Variants in PDLIM2 observed in about 807,000 individuals in gnomAD.
PDLIM2 encodes PDZ and LIM domain 2.
Under a neutral mutation model 54.1 loss-of-function variants are expected in PDLIM2, and 51 were observed. The observed-to-expected ratio is 0.94, with a 90% CI of 0.75 to 1.19. The LOEUF is 1.19. PDLIM2 is among the 50% of genes most tolerant of loss of function. The pLI is 0.00. For missense variants in PDLIM2, 912 were observed against 874.0 expected (o/e 1.04, Z -0.55); for synonymous variants, 398 against 385.6 (o/e 1.03, Z -0.38).
intron 3 of PDLIM2, among the ~76,000 whole-genome samples, 172 bp from the exon 3 acceptor site, chr8:22,584,649 T>C (rs1800319101): frequency 2.0e-5 from 3 of 152,218 alleles, no homozygotes; most frequent in Non-Finnish European, 4.4e-5. Context: ...TTGTCATTGA[T>C]GATAGTTGTT....
chr8:22,580,506 C>T, intron 1 of PDLIM2: 3 of 1,596,430 alleles, frequency 1.9e-6, no homozygotes, highest in Non-Finnish European at 2.6e-6. Context: ...GCTGTGGTGC[C>T]CTCTCCTTCT....
chr8:22,581,114 G>C (rs954653663), intron 2 of PDLIM2: 1 of 679,520 alleles, frequency 1.5e-6, no homozygotes, highest in Admixed American at 2.1e-5. Context: ...CTATCCAAAA[G>C]TATTTCCAAG....
chr8:22,593,927 G>T, exon 10 of PDLIM2: 2 of 1,546,418 alleles, frequency 1.3e-6, no homozygotes. Context: ...CATGCCCTCA[G>T]CCTGCCTCAC....
chr8:22,581,907 C>G (rs1306743082), intron 3 of PDLIM2, among the ~76,000 whole-genome samples: 1 of 152,234 alleles, frequency 6.6e-6, no homozygotes, highest in Non-Finnish European at 1.5e-5. Flanking sequence ...AGGCTGCATC[C>G]CCAGGACTCC....
chr8:22,589,405 G>T lies in PDLIM2; in HGVS notation c.1367+31G>T, dbSNP rs535020129. ...AGCAGGCCCCGGAGGGTCGGGTTGGGGTCTTGGAAGGCTGGGAGGGGCAGG... is the reference window on the plus strand; with the variant it reads ...AGCAGGCCCCGGAGGGTCGGGTTGGTGTCTTGGAAGGCTGGGAGGGGCAGG... On this transcript the variant is annotated intron_variant, in intron 7 of 9. Transcript: ENST00000308354. 7.2e-5 allele frequency: 111 copies of T among 1,535,646 alleles called. No individual in the cohort carries two copies. In the African/African-American group the frequency reaches 1.5e-3, roughly 20 times the overall value.
chr8:22,593,575 C>T, intron 9 of PDLIM2, 158 bp from the exon 9 acceptor site: 1 of 549,720 alleles, frequency 1.8e-6, no homozygotes. Context: ...AAAACTCCAT[C>T]TCAAAAAAAA....
chr8:22,581,528 C>G (rs1479283503), exon 3 of PDLIM2: 1 of 1,574,672 alleles, frequency 6.4e-7, no homozygotes, highest in Non-Finnish European at 8.6e-7. Context: ...TGCAGCTGGA[C>G]CGGTAGGGCC....
intron 2 of PDLIM2, chr8:22,581,024 C>T (rs1206956548): frequency 7.6e-6 from 5 of 658,078 alleles, no homozygotes; most frequent in Middle Eastern, 2.4e-4. Context: ...TCCTCTTGAC[C>T]TGGGCCCAGG....
Position 22,581,362 on chromosome 8 carries a change from G to T in PDLIM2, c.844-17G>T, listed in dbSNP as rs1471526317. 5 of 1,586,734 alleles carry T rather than the reference G, an allele frequency of 3.2e-6. No homozygotes were observed. Among genetic ancestry groups the T allele is most frequent in the East Asian group, 4.6e-5 (2 of 43,390 alleles). ...GCTGGGCCACGGTCTGAGCATGCCA[G>T]CTCCTCATCCCTACAGGTGGCCGAG... is the stretch of plus-strand genomic sequence containing the variant. On this transcript the variant is annotated splice_polypyrimidine_tract_variant and intron_variant, in intron 2 of 9. Transcript: ENST00000308354.
intron 3 of PDLIM2, among the ~76,000 whole-genome samples, chr8:22,583,937 A>G (rs1800289989): frequency 1.4e-5 from 2 of 145,952 alleles, no homozygotes; most frequent in South Asian, 4.5e-4. Flanking sequence ...GAACTTTCTG[A>G]TGAAGTTATG....
chr8:22,579,691 C>T (rs1800134606), intron 1 of PDLIM2: 1 of 873,468 alleles, frequency 1.1e-6, no homozygotes, highest in Non-Finnish European at 1.6e-6. Flanking sequence ...GTCCCCAGGG[C>T]AGCCCCAGGA....
At chr8:22,579,235 C>T in exon 1 of PDLIM2, 1 of 1,363,818 alleles carries the variant, frequency 7.3e-7, no homozygotes, top group South Asian at 1.8e-5. Flanking sequence ...GTGAGCGCGC[C>T]CACCTGCGCC....
At chr8:22,594,441 C>A, downstream of PDLIM2, 1 of 1,601,640 alleles carries the variant, frequency 6.2e-7, no homozygotes, top group South Asian at 1.1e-5. Context: ...GTTGCCTGCA[C>A]CTGACATTTC....
At chr8:22,586,743 C>G (rs1005445527) in intron 6 of PDLIM2, among the ~76,000 whole-genome samples, 3 of 152,138 alleles carry the variant, frequency 2.0e-5, no homozygotes, top group African/African-American at 7.2e-5. Flanking sequence ...CAAGGGCAAG[C>G]CTTCCCGAGC....
exon 10 of PDLIM2, chr8:22,593,932 C>A: frequency 1.9e-6 from 3 of 1,545,252 alleles, no homozygotes; most frequent in Non-Finnish European, 2.6e-6. Context: ...CCTCAGCCTG[C>A]CTCACTGCTG....
chr8:22,580,691 G>A (rs1800167325), exon 2 of PDLIM2: 1 of 1,613,898 alleles, frequency 6.2e-7, no homozygotes, highest in African/African-American at 1.3e-5. Context: ...CCATCATGGT[G>A]ACTAAGGTAA....
chr8:22,586,792 G>A (rs972953838), intron 6 of PDLIM2, among the ~76,000 whole-genome samples: 60 of 152,124 alleles, frequency 3.9e-4, no homozygotes, highest in African/African-American at 1.4e-3. Flanking sequence ...AAAATGAAGG[G>A]TGTGGGAGGT....
intron 9 of PDLIM2, chr8:22,592,590 TA>T (rs1056833830): frequency 5.3e-5 from 8 of 152,232 alleles, no homozygotes; most frequent in African/African-American, 1.9e-4. Context: ...TGTGCAGAGA[TA>T]GGGAATGTGT....
At chr8:22,580,900 G>A in intron 2 of PDLIM2, 1 of 720,930 alleles carries the variant, frequency 1.4e-6, no homozygotes. Flanking sequence ...GGGAGTGAAA[G>A]GGAGCTGGGA....
Sources: gnomAD v4.1 joint callset for allele counts (sites outside exome capture counted in the v4.1 genomes callset) on GRCh38, gnomAD v4.1.1 for gene constraint, MANE v1.5 for transcripts, NCBI Gene and HGNC (gene_info 2026-07-23, HGNC 2026-07-21) for gene names.